AKAP6: variants seen among roughly 807,000 people sequenced by gnomAD.
AKAP6 encodes the protein A-kinase anchoring protein 6.
AKAP6 carries 58 observed loss-of-function variants against 188.5 expected under a neutral mutation model. That is an observed-to-expected ratio of 0.31 (90% confidence interval 0.25 to 0.38). The LOEUF is 0.38. Ranked by LOEUF, AKAP6 falls within the 10% of genes least tolerant of loss-of-function variation. AKAP6 has a pLI of 1.00. For missense variants in AKAP6, 2,710 were observed against 2,740.0 expected (o/e 0.99, Z 0.24); for synonymous variants, 989 against 998.6 (o/e 0.99, Z 0.18).
intron 1 of AKAP6, among the ~76,000 whole-genome samples, chr14:32,399,709 G>T (rs1889017660): frequency 6.6e-6 from 1 of 152,166 alleles, no homozygotes; most frequent in Non-Finnish European, 1.5e-5. Context: ...ATAGAAGCTG[G>T]ATATTTCCCT....
At chr14:32,405,002 C>G (rs929558525) in intron 1 of AKAP6, among the ~76,000 whole-genome samples, 1 of 151,520 alleles carries the variant, frequency 6.6e-6, no homozygotes, top group Non-Finnish European at 1.5e-5. Flanking sequence ...CCCCTGATGA[C>G]AGCTGTGACC....
chr14:32,572,781 T>A (rs1319998599), intron 4 of AKAP6, among the ~76,000 whole-genome samples: 1 of 152,192 alleles, frequency 6.6e-6, no homozygotes, highest in Non-Finnish European at 1.5e-5. Context: ...TTAAAGAGAT[T>A]GATGTTTTAG....
At chr14:32,410,692 A>G (rs1196963421) in intron 1 of AKAP6, among the ~76,000 whole-genome samples, 1 of 152,206 alleles carries the variant, frequency 6.6e-6, no homozygotes, top group Non-Finnish European at 1.5e-5. Flanking sequence ...TGAGTGAGAA[A>G]GAGCAAACTA....
intron 5 of AKAP6, among the ~76,000 whole-genome samples, chr14:32,579,274 A>T (rs1884862538): frequency 6.6e-6 from 1 of 152,166 alleles, no homozygotes; most frequent in African/African-American, 2.4e-5. Context: ...CAGTATAAAG[A>T]TCCACAGCAA....
intron 3 of AKAP6, among the ~76,000 whole-genome samples, chr14:32,536,112 C>T (rs1227307952): frequency 1.3e-5 from 2 of 152,088 alleles, no homozygotes; most frequent in Non-Finnish European, 2.9e-5. Flanking sequence ...GTCAGACACT[C>T]AGTGCTAAGA....
At chr14:32,551,821 G>A (rs1166716625) in intron 4 of AKAP6, among the ~76,000 whole-genome samples, 5 of 141,916 alleles carry the variant, frequency 3.5e-5, no homozygotes, top group Non-Finnish European at 7.4e-5. Flanking sequence ...CACCACACCC[G>A]GCTAATTTTT....
chr14:32,648,234 C>T (rs939725673), intron 7 of AKAP6, among the ~76,000 whole-genome samples: 13 of 152,050 alleles, frequency 8.5e-5, no homozygotes, highest in Non-Finnish European at 1.6e-4. Context: ...TTTATTTGAG[C>T]TGGATTTGCT....
chr14:32,355,081 T>A (rs8019207), intron 1 of AKAP6, among the ~76,000 whole-genome samples: 23,654 of 152,174 alleles, frequency 0.16, 2,041 homozygotes, highest in East Asian at 0.37. Flanking sequence ...ATGGACTAAT[T>A]CTTTGATTTT....
chr14:32,752,532 A>T (rs138524043), intron 11 of AKAP6, among the ~76,000 whole-genome samples: 2 of 152,222 alleles, frequency 1.3e-5, no homozygotes, highest in Admixed American at 1.3e-4. Context: ...ACATATTTAC[A>T]GTGTACATTG....
chr14:32,384,347 G>C (rs1466717571), intron 1 of AKAP6, among the ~76,000 whole-genome samples: 1 of 152,148 alleles, frequency 6.6e-6, no homozygotes, highest in Non-Finnish European at 1.5e-5. Context: ...GAGTATTCAG[G>C]ATGATCTTAA....
chr14:32,710,728 T>C (rs571428559), intron 9 of AKAP6, among the ~76,000 whole-genome samples: 1 of 152,070 alleles, frequency 6.6e-6, no homozygotes, highest in Non-Finnish European at 1.5e-5. Context: ...GTAGGGATAA[T>C]AACACCTACC....
At chr14:32,514,492 A>G (rs1371927221) in intron 2 of AKAP6, among the ~76,000 whole-genome samples, 1 of 152,218 alleles carries the variant, frequency 6.6e-6, no homozygotes, top group Admixed American at 6.5e-5. Flanking sequence ...GTCAGCAATG[A>G]AATCCCAAAT....
At chr14:32,543,443 C>T (rs1020259773) in intron 3 of AKAP6, among the ~76,000 whole-genome samples, 7 of 152,150 alleles carry the variant, frequency 4.6e-5, no homozygotes, top group Non-Finnish European at 1.0e-4. Flanking sequence ...ATCCATTCAC[C>T]TGCTGATGGA....
chr14:32,752,433 A>G (rs913821468), intron 11 of AKAP6, among the ~76,000 whole-genome samples: 3 of 152,168 alleles, frequency 2.0e-5, no homozygotes, highest in African/African-American at 7.2e-5. Context: ...AGGGTTTGAT[A>G]TGGGACAATT....
intron 1 of AKAP6, among the ~76,000 whole-genome samples, chr14:32,342,409 C>T (rs1454499094): frequency 1.3e-5 from 2 of 152,136 alleles, no homozygotes; most frequent in Non-Finnish European, 2.9e-5. Context: ...TGTTGAGTCA[C>T]CAAGTTCTGT....
chr14:32,676,207 A>C (rs1209083500), intron 7 of AKAP6, among the ~76,000 whole-genome samples: 3 of 152,136 alleles, frequency 2.0e-5, no homozygotes, highest in Non-Finnish European at 4.4e-5. Context: ...ATTTGAGAGG[A>C]GTATTGTTCT....
At chr14:32,431,939 A>G (rs1890240255) in intron 1 of AKAP6, among the ~76,000 whole-genome samples, 1 of 152,212 alleles carries the variant, frequency 6.6e-6, no homozygotes, top group South Asian at 2.1e-4. Context: ...GCTTTTGTCA[A>G]CTCAACAAGT....
intron 1 of AKAP6, among the ~76,000 whole-genome samples, chr14:32,414,193 C>T (rs1889581645): frequency 6.6e-6 from 1 of 151,982 alleles, no homozygotes; most frequent in Non-Finnish European, 1.5e-5. Context: ...CTTTTGATTT[C>T]ATAAGGTCTA....
At chr14:32,603,658 A>G (rs1168822575) in intron 7 of AKAP6, among the ~76,000 whole-genome samples, 2 of 152,192 alleles carry the variant, frequency 1.3e-5, no homozygotes, top group Admixed American at 6.5e-5. Flanking sequence ...TCCTCACCCA[A>G]CGTGAATAAG....
Sources: gnomAD v4.1 joint callset for allele counts (sites outside exome capture counted in the v4.1 genomes callset) on GRCh38, gnomAD v4.1.1 for gene constraint, MANE v1.5 for transcripts, NCBI Gene and HGNC (gene_info 2026-07-23, HGNC 2026-07-21) for gene names.